Variants in CDH23 observed in about 807,000 individuals in gnomAD.
CDH23 encodes cadherin-23.
In CDH23, 189 loss-of-function variants were observed where a neutral mutation model predicts 317.1. The ratio of observed to expected loss-of-function variants is 0.60; its 90% CI spans 0.53 to 0.67. The LOEUF (loss-of-function observed/expected upper bound fraction) is 0.67. CDH23 is among the 30% of genes least tolerant of loss of function. CDH23 has a pLI of 0.00. For missense variants in CDH23, 4,401 were observed against 4,592.4 expected (o/e 0.96, Z 1.20); for synonymous variants, 1,839 against 1,876.8 (o/e 0.98, Z 0.52).
chr10:71,443,529 G>A (rs1166411063), intron 2 of CDH23, among the ~76,000 whole-genome samples: 1 of 152,264 alleles, frequency 6.6e-6, no homozygotes, highest in Non-Finnish European at 1.5e-5. Flanking sequence ...AAGTAAAGCA[G>A]GCACATGCCC....
At chr10:71,572,581 C>T (rs1171721045) in intron 8 of CDH23, among the ~76,000 whole-genome samples, 3 of 152,180 alleles carry the variant, frequency 2.0e-5, no homozygotes, top group African/African-American at 7.2e-5. Context: ...AGCATACTCA[C>T]CATCCTGCAC....
chr10:71,778,450 A>T, intron 40 of CDH23, 142 bp downstream of exon 40: 1 of 1,087,352 alleles, frequency 9.2e-7, no homozygotes, highest in Non-Finnish European at 1.3e-6. Flanking sequence ...TAATCTCAGC[A>T]ACTCACTCAA....
chr10:71,810,114 G>A, intron 61 of CDH23, 38 bp downstream of exon 61: 1 of 1,604,648 alleles, frequency 6.2e-7, no homozygotes, highest in Non-Finnish European at 8.5e-7. Flanking sequence ...GGCAGTGGAG[G>A]GAGAAGGAAG....
At chr10:71,454,708 G>A (rs1311797726) in intron 3 of CDH23, among the ~76,000 whole-genome samples, 1 of 152,090 alleles carries the variant, frequency 6.6e-6, no homozygotes, top group Non-Finnish European at 1.5e-5. Flanking sequence ...GAGGAGGGGT[G>A]GAACTGGACA....
At chr10:71,773,485 C>T (rs1169805461) in intron 38 of CDH23, 2 of 1,543,986 alleles carry the variant, frequency 1.3e-6, no homozygotes, top group Non-Finnish European at 8.8e-7. Flanking sequence ...GGGGAGCGGG[C>T]GGGACGCGGC....
rs201361229 is a variant in CDH23 at position 71,511,202 on chromosome 10, G to T, written c.419G>T (p.Arg140Leu). Residue 140 changes from arginine to leucine, a missense_variant, in exon 6 of 70, where the codon CGC becomes CTC. This residue lies in a region of CDH23 where 3,068 missense variants were observed against 3,203.3 expected (regional missense o/e 0.96). Coordinates refer to ENST00000224721, the MANE Select transcript of CDH23 (RefSeq NM_022124.6). The stretch of plus-strand genomic sequence containing the variant: ...TTTCACAATCAGCCCTACAGCGTCC[G>T]CATCCCTGAGGTAGGAGCCACTGGG... Reference protein sequence around the residue: ...PTFHNQPYSVRIPENTPVGTP... With the variant: ...PTFHNQPYSVLIPENTPVGTP... The T allele has an allele frequency of 1.2e-6, 2 of 1,613,338 alleles. No individual in the cohort carries two copies. The highest frequency in any genetic ancestry group is 1.7e-6 in the Non-Finnish European group (2 of 1,179,418).
chr10:71,596,604 T>G (rs974501523), intron 9 of CDH23, among the ~76,000 whole-genome samples: 5 of 152,140 alleles, frequency 3.3e-5, no homozygotes, highest in African/African-American at 1.2e-4. Context: ...GACCCTTCCC[T>G]TCCACGCCAG....
chr10:71,728,853 G>A (rs1366461673), intron 30 of CDH23, among the ~76,000 whole-genome samples: 5 of 152,160 alleles, frequency 3.3e-5, no homozygotes, highest in Non-Finnish European at 7.3e-5. Flanking sequence ...ACAGATGCAT[G>A]TCACCACCCC....
intron 38 of CDH23, chr10:71,761,568 G>A (rs755473957): frequency 9.1e-6 from 14 of 1,534,132 alleles, no homozygotes; most frequent in Middle Eastern, 2.2e-4. Context: ...CTCCACACAC[G>A]CCAGGCTGTC....
At position 71,807,638 on chromosome 10, in the gene CDH23, T is replaced by C; in HGVS notation, c.8431T>C (p.Trp2811Arg). The C allele has an allele frequency of 1.2e-6, 2 of 1,614,002 alleles. No individual in the cohort carries two copies. The highest frequency in any genetic ancestry group is 1.7e-6 in the Non-Finnish European group (2 of 1,179,882). ...CGTCAAGGCCTCCAGCAATCGCAGC[T>C]GGACACCTCCCCGTGGACCCTCCCC... ...FIVKASSNRS[W>R]TPPRGPSPTL... Residue 2811 changes from tryptophan (W) to arginine (R), a missense_variant, in exon 59 of 70, where the codon TGG becomes CGG. By Grantham distance (101) the Trp-to-Arg change is moderately radical. Coordinates refer to ENST00000224721, the MANE Select transcript of CDH23 (RefSeq NM_022124.6).
rs1285511099 is a variant in CDH23, at chr10:71,792,833, A to G, written c.6254-349A>G. On this transcript the variant is annotated intron_variant, in intron 47 of 69. Coordinates refer to ENST00000224721, the MANE Select transcript of CDH23 (RefSeq NM_022124.6). The stretch of plus-strand genomic sequence containing the variant: ...TAAGACTCCATCTAAAAAAAAAAAA[A>G]AAAAAAAAAAAAAAAAAAAATATAT... Among the ~76,000 whole-genome samples, 113 of 76,048 alleles carry G rather than the reference A, an allele frequency of 1.5e-3. 2 individuals carry two copies. The highest frequency in any genetic ancestry group is 7.2e-3 in the African/African-American group (109 of 15,244). The allele number at this position is 76,048 out of a possible 152,430, so 49.9% of individuals were successfully genotyped here. A position where few individuals can be genotyped will look rare whatever the true frequency, so the allele number is the denominator to read the frequency against.
At chr10:71,760,685 G>C in intron 38 of CDH23, 1 of 621,832 alleles carries the variant, frequency 1.6e-6, no homozygotes, top group Non-Finnish European at 2.9e-6. Context: ...TGGAAGGAGA[G>C]TGGGCTTCTG....
intron 55 of CDH23, among the ~76,000 whole-genome samples, chr10:71,804,212 C>T (rs532163707): frequency 4.6e-5 from 7 of 152,250 alleles, no homozygotes; most frequent in East Asian, 3.9e-4. Context: ...TAAACACACA[C>T]GCCCCTTCCA....
intron 6 of CDH23, among the ~76,000 whole-genome samples, chr10:71,515,357 TTCTCTCTCTCTCTCTC>T (rs3059687): frequency 1.6e-5 from 2 of 126,192 alleles, no homozygotes; most frequent in Admixed American, 8.1e-5. Context: ...ACCTGTCTGT[TTCTCTCTCTCTCTCTC>T]TCTCTCTCTC....
intron 56 of CDH23, 34 bp downstream of exon 56, chr10:71,806,031 T>TGGGGGGGGGTGG: frequency 2.1e-6 from 1 of 468,340 alleles, no homozygotes; most frequent in Non-Finnish European, 3.6e-6. Context: ...GGGCGGGGTC[T>TGGGGGGGGGTGG]GGGGCGGGGC....
At chr10:71,487,018 G>A (rs1023050527) in intron 3 of CDH23, among the ~76,000 whole-genome samples, 1 of 152,140 alleles carries the variant, frequency 6.6e-6, no homozygotes, top group African/African-American at 2.4e-5. Flanking sequence ...CCAGGCATAT[G>A]CTCTGTACCC....
Position 71,544,110 on chromosome 10 carries a change from GC to G in CDH23, c.430-22631del, listed in dbSNP as rs201282522. ...TTTAATCAGAGTTATGTTAGATAAA[GC>G]TTTTATTATTCACCTGGCTTTATTA... is the stretch of plus-strand genomic sequence containing the variant. On this transcript the variant is annotated intron_variant, in intron 6 of 69. Transcript: ENST00000224721. 1.8e-3 allele frequency among the ~76,000 whole-genome samples: 275 copies of G among 152,270 alleles called. 1 individual carries two copies. Among genetic ancestry groups the G allele is most frequent in the East Asian group, 0.018 (91 of 5,178 alleles).
chr10:71,420,855 C>T (rs911890586), intron 1 of CDH23, among the ~76,000 whole-genome samples: 5 of 152,056 alleles, frequency 3.3e-5, no homozygotes, highest in Admixed American at 2.6e-4. Flanking sequence ...CAGCATTTCT[C>T]GGCACCACCC....
chr10:71,540,639 G>T (rs1855936656), intron 6 of CDH23, among the ~76,000 whole-genome samples: 1 of 152,128 alleles, frequency 6.6e-6, no homozygotes, highest in African/African-American at 2.4e-5. Context: ...GGCTAGAGAA[G>T]GTCAGCTCAG....
Sources: allele counts gnomAD v4.1 joint callset (sites outside exome capture counted in the v4.1 genomes callset), GRCh38; gene constraint gnomAD v4.1.1; regional missense constraint gnomAD v4.1.1; transcripts MANE v1.5; gene names NCBI Gene and HGNC (gene_info 2026-07-23, HGNC 2026-07-21).